The following WNT7A variants were observed in gnomAD, a reference collection of about 807,000 sequenced individuals.
The protein encoded by WNT7A is Wnt family member 7A.
WNT7A carries 16 observed loss-of-function variants against 28.2 expected under a neutral mutation model. The observed-to-expected ratio is 0.57, with a 90% CI of 0.38 to 0.86. WNT7A has a LOEUF of 0.86. Among genes scored for constraint, WNT7A ranks in the 40% least tolerant of loss-of-function variants. The pLI is 0.00. For missense variants in WNT7A, 411 were observed against 489.7 expected (o/e 0.84, Z 1.52); for synonymous variants, 190 against 195.9 (o/e 0.97, Z 0.25).
In WNT7A at chr3:13,879,913, G is replaced by C. The variant is rs987216042; in HGVS notation, c.-97C>G. On this transcript the variant is annotated 5_prime_UTR_variant, in exon 1 of 4. Coordinates refer to ENST00000285018, the MANE Select transcript of WNT7A (RefSeq NM_004625.4). The stretch of plus-strand genomic sequence containing the variant: ...AACATAGCCCGCCCGGGAGGCGCGA[G>C]CCGAGGCGTCCCCGGGGCCGTCTGT... 2 of 1,003,326 alleles carry C rather than the reference G, an allele frequency of 2.0e-6. No individual in the cohort carries two copies. Among genetic ancestry groups the C allele is most frequent in the South Asian group, 3.7e-5 (1 of 27,266 alleles). 62.2% of individuals were successfully genotyped at this position (1,003,326 alleles called of 1,614,324 possible).
chr3:13,828,264 C>T (rs1475369649), intron 3 of WNT7A, among the ~76,000 whole-genome samples: 6 of 152,158 alleles, frequency 3.9e-5, no homozygotes, highest in South Asian at 2.1e-4. Flanking sequence ...GGACAGGCAT[C>T]GTGCAACCAC....
Position 13,868,489 on chromosome 3 carries a change from AAAGAAAG to A in WNT7A, c.298+6451_298+6457del, listed in dbSNP as rs1559306791. On this transcript the variant is annotated intron_variant, in intron 2 of 3. Coordinates refer to ENST00000285018, the MANE Select transcript of WNT7A (RefSeq NM_004625.4). The stretch of plus-strand genomic sequence containing the variant: ...GACCCTGTCAGAAAAGGAAAGAACG[AAAGAAAG>A]AAAGAAAGAAAGAGAGAGAGAAAGA... Among the ~76,000 whole-genome samples, 10 of 148,082 alleles carry A rather than the reference AAAGAAAG, an allele frequency of 6.8e-5. No homozygotes were observed. In the South Asian group the frequency reaches 1.5e-3, roughly 23 times the overall value.
intron 2 of WNT7A, among the ~76,000 whole-genome samples, chr3:13,870,386 C>T (rs1695011749): frequency 6.6e-6 from 1 of 152,270 alleles, no homozygotes; most frequent in South Asian, 2.1e-4. Flanking sequence ...AGAGAGAGGC[C>T]TCTGAGAAAG....
At chr3:13,831,600 G>A (rs962731978) in intron 3 of WNT7A, among the ~76,000 whole-genome samples, 27 of 152,180 alleles carry the variant, frequency 1.8e-4, no homozygotes, top group African/African-American at 6.3e-4. Flanking sequence ...TGCTGGGAGT[G>A]TTGCTGCTGA....
intron 2 of WNT7A, among the ~76,000 whole-genome samples, chr3:13,859,226 A>G (rs1694791692): frequency 6.6e-6 from 1 of 152,198 alleles, no homozygotes; most frequent in Admixed American, 6.5e-5. Flanking sequence ...TTTAAGGTTT[A>G]CAAGATGACA....
chr3:13,860,636 T>A (rs1336258967), intron 2 of WNT7A, among the ~76,000 whole-genome samples: 1 of 152,102 alleles, frequency 6.6e-6, no homozygotes, highest in East Asian at 1.9e-4. Context: ...TGAGGTGACT[T>A]GCCCAGGAAG....
intron 3 of WNT7A, among the ~76,000 whole-genome samples, chr3:13,838,760 G>A (rs1189507459): frequency 2.6e-5 from 4 of 152,180 alleles, no homozygotes; most frequent in African/African-American, 9.7e-5. Context: ...CTCTCAGCTC[G>A]GATTCTGTAG....
intron 2 of WNT7A, among the ~76,000 whole-genome samples, chr3:13,872,801 G>A (rs540946923): frequency 6.6e-6 from 1 of 152,158 alleles, no homozygotes; most frequent in African/African-American, 2.4e-5. Flanking sequence ...CCTCTGTGGG[G>A]ACTATTCCAA....
intron 2 of WNT7A, among the ~76,000 whole-genome samples, chr3:13,873,933 T>C (rs1035019867): frequency 6.6e-6 from 1 of 152,238 alleles, no homozygotes; most frequent in South Asian, 2.1e-4. Context: ...GATTTCATTC[T>C]GATGCAAGAA....
At chr3:13,825,609 G>C (rs947952897) in intron 3 of WNT7A, among the ~76,000 whole-genome samples, 3 of 152,198 alleles carry the variant, frequency 2.0e-5, no homozygotes, top group African/African-American at 7.2e-5. Context: ...CAGCCCATAG[G>C]AGTGGGTTCC....
chr3:13,819,122 C>T lies in WNT7A; in HGVS notation c.872G>A (p.Gly291Asp). 6.2e-7 allele frequency: 1 copy of T among 1,614,170 alleles called. No individual in the cohort carries two copies. Among genetic ancestry groups the T allele is most frequent in the Non-Finnish European group, 8.5e-7 (1 of 1,180,032 alleles). The part of the protein sequence containing the change: ...DPVTGSVGTQ[G>D]RACNKTAPQA... ...GGGAGCCGTCTTGTTGCAGGCGCGG[C>T]CCTGGGTGCCCACACTGCCGGTCAC... is the stretch of plus-strand genomic sequence containing the variant. The change falls in exon 4 of 4, where the codon GGC becomes GAC. Residue 291 changes from glycine (G) to aspartate (D), a missense_variant. Coordinates refer to ENST00000285018, the MANE Select transcript of WNT7A (RefSeq NM_004625.4).
intron 1 of WNT7A, among the ~76,000 whole-genome samples, chr3:13,876,813 G>T (rs907116010): frequency 2.6e-5 from 4 of 152,000 alleles, no homozygotes; most frequent in Non-Finnish European, 5.9e-5. Context: ...TGACCTCAAG[G>T]GTCACCTCCC....
At chr3:13,849,343 T>C (rs377741677) in intron 3 of WNT7A, among the ~76,000 whole-genome samples, 22 of 152,348 alleles carry the variant, frequency 1.4e-4, no homozygotes, top group African/African-American at 4.8e-4. Flanking sequence ...TTGAGATACA[T>C]GGCGAATCAT....
chr3:13,861,544 T>A (rs922266958), intron 2 of WNT7A, among the ~76,000 whole-genome samples: 8 of 152,096 alleles, frequency 5.3e-5, no homozygotes, highest in Non-Finnish European at 1.0e-4. Context: ...AGGGCAGTGA[T>A]GGGAGTGGGG....
chr3:13,879,990 G>T lies in WNT7A; in HGVS notation c.-174C>A, dbSNP rs1575078349. On this transcript the variant is annotated 5_prime_UTR_variant, in exon 1 of 4. Coordinates refer to ENST00000285018, the MANE Select transcript of WNT7A (RefSeq NM_004625.4). ...CCTGAGCCTCGCCAGGAGCACGGGA[G>T]CCACGGAGCGGGAGGAGGGAGGGAG... The T allele has an allele frequency of 2.4e-6, 1 of 418,930 alleles. No individual in the cohort carries two copies. The highest frequency in any genetic ancestry group is 4.0e-6 in the Non-Finnish European group (1 of 247,142). The allele number at this position is 418,930 out of a possible 1,614,324, so 26.0% of individuals were successfully genotyped here.
chr3:13,861,871 G>C (rs1694836925), intron 2 of WNT7A, among the ~76,000 whole-genome samples: 1 of 152,184 alleles, frequency 6.6e-6, no homozygotes, highest in African/African-American at 2.4e-5. Context: ...AAGACCAGAA[G>C]ATCCCCTGGC....
rs531850776 is a variant in WNT7A, at chr3:13,823,000, G to C, written c.571-3577C>G. On this transcript the variant is annotated intron_variant, in intron 3 of 3. Transcript: ENST00000285018. ...GCCATGGTGGTATTGAATGGGCTCC[G>C]ATCAGGTGACATCCAGCCTGCTAGC... Among the ~76,000 whole-genome samples the C allele has an allele frequency of 1.1e-4, 17 of 152,314 alleles. No individual in the cohort carries two copies. The East Asian group carries it at 2.9e-3, about 26-fold the overall frequency.
In WNT7A at chr3:13,819,111, T is replaced by G. The variant is rs1406238147; in HGVS notation, c.883A>C (p.Asn295His). ...CCGCTGGCCTGGGGAGCCGTCTTGT[T>G]GCAGGCGCGGCCCTGGGTGCCCACA... ...GSVGTQGRAC[N>H]KTAPQASGCD... The change falls in exon 4 of 4, where the codon AAC (asparagine) becomes CAC (histidine). Residue 295 changes from asparagine (N) to histidine (H), a missense_variant. Physicochemically the swap from Asn to His is moderately conservative, Grantham distance 68. Coordinates refer to ENST00000285018, the MANE Select transcript of WNT7A (RefSeq NM_004625.4). 1.2e-6 allele frequency: 2 copies of G among 1,614,062 alleles called. No homozygotes were observed. Among genetic ancestry groups the G allele is most frequent in the African/African-American group, 1.3e-5 (1 of 74,938 alleles).
chr3:13,854,652 AC>A lies in WNT7A; in HGVS notation c.449del (p.Gly150ValfsTer31). ...QYHRDEGWKW[G>X]GCSADIRYGI... is the part of the protein sequence containing the mutation. Reference sequence around the variant, plus strand: ...CGTAGCGGATGTCGGCAGAGCAGCCACCCCACTTCCAGCCCTCGTCCCGGTG... The same window carrying A: ...CGTAGCGGATGTCGGCAGAGCAGCCACCCACTTCCAGCCCTCGTCCCGGTG... On this transcript the variant is annotated frameshift_variant, in exon 3 of 4. Transcript: ENST00000285018. LOFTEE classifies it high-confidence loss of function. The A allele has an allele frequency of 1.2e-6, 2 of 1,613,234 alleles. No homozygotes were observed. Among genetic ancestry groups the A allele is most frequent in the Non-Finnish European group, 1.7e-6 (2 of 1,179,818 alleles).
Sources: gnomAD v4.1 joint callset for allele counts (sites outside exome capture counted in the v4.1 genomes callset) on GRCh38, gnomAD v4.1.1 for gene constraint, MANE v1.5 for transcripts, NCBI Gene and HGNC (gene_info 2026-07-23, HGNC 2026-07-21) for gene names.